Variants in PIK3C3 observed in about 807,000 individuals in gnomAD.
PIK3C3 encodes the protein phosphatidylinositol 3-kinase catalytic subunit type 3, also known as PI3-kinase type 3.
In PIK3C3, 95 loss-of-function variants were observed where a neutral mutation model predicts 126.1. The ratio of observed to expected loss-of-function variants is 0.75; its 90% CI spans 0.64 to 0.89. The LOEUF is 0.89. PIK3C3 is among the 40% of genes least tolerant of loss of function. PIK3C3 has a pLI of 0.00. For synonymous variants in PIK3C3, 374 were observed against 360.0 expected, an observed-to-expected ratio of 1.04 and a Z score of -0.44; for missense variants, 829 against 1,063.2, an observed-to-expected ratio of 0.78 and a Z score of 3.06.
At chr18:42,047,370 A>T (rs1424958295) in intron 20 of PIK3C3, among the ~76,000 whole-genome samples, 1 of 152,168 alleles carries the variant, frequency 6.6e-6, no homozygotes, top group Non-Finnish European at 1.5e-5. Flanking sequence ...ACCTAAGTGT[A>T]CTAAGTTCTC....
intron 24 of PIK3C3, among the ~76,000 whole-genome samples, chr18:42,068,747 G>A (rs528774997): frequency 2.6e-5 from 4 of 151,978 alleles, no homozygotes; most frequent in South Asian, 4.2e-4. Flanking sequence ...TCAGGAGATC[G>A]AGACCATCCT....
intron 4 of PIK3C3, among the ~76,000 whole-genome samples, chr18:41,986,522 G>A (rs752007467): frequency 2.6e-5 from 4 of 152,014 alleles, no homozygotes; most frequent in Non-Finnish European, 5.9e-5. Context: ...TTTTATTGAT[G>A]TGGGTTCAGA....
At chr18:42,003,961 C>T (rs16960213) in intron 9 of PIK3C3, among the ~76,000 whole-genome samples, 11,277 of 152,168 alleles carry the variant, frequency 0.074, 871 homozygotes, top group East Asian at 0.26. Flanking sequence ...TCCGGCCCTT[C>T]GCTCAGTGGT....
At chr18:42,058,127 G>T in intron 22 of PIK3C3, 76 bp downstream of exon 22, 4 of 1,248,524 alleles carry the variant, frequency 3.2e-6, no homozygotes, top group Non-Finnish European at 4.4e-6. Flanking sequence ...TTGTTTAAAT[G>T]TATGCATTCT....
At chr18:42,043,617 A>G (rs2144479020) in intron 19 of PIK3C3, 116 bp from the exon 20 acceptor site, 2 of 629,428 alleles carry the variant, frequency 3.2e-6, no homozygotes, top group Non-Finnish European at 5.7e-6. Context: ...CATCTCTCAT[A>G]CTGTATTTTG....
intron 15 of PIK3C3, among the ~76,000 whole-genome samples, chr18:42,030,070 T>G (rs1424581615): frequency 1.3e-5 from 2 of 152,192 alleles, no homozygotes; most frequent in African/African-American, 4.8e-5. Context: ...TAGTCCATAT[T>G]GTTATCCACA....
chr18:42,019,616 A>G (rs1000935666), intron 12 of PIK3C3, among the ~76,000 whole-genome samples: 5 of 151,944 alleles, frequency 3.3e-5, no homozygotes, highest in African/African-American at 1.2e-4. Flanking sequence ...TCTCTCCTTG[A>G]TATCTTAATG....
At chr18:42,061,267 A>G (rs1415510869) in intron 22 of PIK3C3, among the ~76,000 whole-genome samples, 2 of 152,070 alleles carry the variant, frequency 1.3e-5, no homozygotes, top group Non-Finnish European at 2.9e-5. Context: ...ATTATTTTTT[A>G]TCTTACCCTT....
chr18:41,996,435 C>G (rs1484586489), intron 8 of PIK3C3, among the ~76,000 whole-genome samples: 2 of 152,044 alleles, frequency 1.3e-5, no homozygotes, highest in Non-Finnish European at 2.9e-5. Context: ...ATGACTTTAT[C>G]TTCTTTTCTT....
intron 22 of PIK3C3, among the ~76,000 whole-genome samples, chr18:42,063,409 G>A (rs1421657536): frequency 2.0e-5 from 3 of 152,090 alleles, no homozygotes; most frequent in Non-Finnish European, 4.4e-5. Context: ...TACATGAGTA[G>A]GAATGGAATA....
At chr18:41,994,021 T>G (rs1431395090) in intron 7 of PIK3C3, among the ~76,000 whole-genome samples, 1 of 152,186 alleles carries the variant, frequency 6.6e-6, no homozygotes, top group African/African-American at 2.4e-5. Context: ...TCATTCCAAC[T>G]CTTTTTGTTC....
At chr18:41,982,803 T>C (rs543476810) in intron 4 of PIK3C3, among the ~76,000 whole-genome samples, 2 of 152,198 alleles carry the variant, frequency 1.3e-5, no homozygotes, top group Non-Finnish European at 2.9e-5. Context: ...ATTTTAAAAT[T>C]AGAATCATAC....
chr18:42,076,101 T>TATATATATATATATGCAC (rs1985970424), intron 24 of PIK3C3, among the ~76,000 whole-genome samples: 3 of 72,844 alleles, frequency 4.1e-5, no homozygotes, highest in African/African-American at 2.2e-4. Context: ...TATATATATA[T>TATATATATATATATGCAC]ATATATATAT....
chr18:42,029,534 ATTTTTTT>A (rs57593886), intron 15 of PIK3C3, 93 bp downstream of exon 15: 188 of 212,550 alleles, frequency 8.8e-4, no homozygotes, highest in African/African-American at 1.5e-3. Flanking sequence ...TGATACGTGA[ATTTTTTT>A]TTTTTTTTTT....
At chr18:41,968,190 A>C (rs889241937) in intron 3 of PIK3C3, among the ~76,000 whole-genome samples, 7 of 152,166 alleles carry the variant, frequency 4.6e-5, no homozygotes, top group Admixed American at 4.6e-4. Flanking sequence ...TTTTTGATTT[A>C]GTTCAGCCAG....
intron 4 of PIK3C3, among the ~76,000 whole-genome samples, chr18:41,980,666 A>C (rs1365586421): frequency 3.9e-5 from 6 of 152,102 alleles, no homozygotes; most frequent in South Asian, 4.1e-4. Flanking sequence ...TAAAAAAAAA[A>C]CAAAAAACAA....
intron 24 of PIK3C3, among the ~76,000 whole-genome samples, chr18:42,074,709 AC>A (rs1227885433): frequency 6.6e-6 from 1 of 152,056 alleles, no homozygotes; most frequent in Non-Finnish European, 1.5e-5. Flanking sequence ...ATTCATACTA[AC>A]TTTCCATTTT....
At chr18:42,002,945 T>A (rs949066520) in intron 9 of PIK3C3, among the ~76,000 whole-genome samples, 1 of 152,168 alleles carries the variant, frequency 6.6e-6, no homozygotes, top group African/African-American at 2.4e-5. Context: ...GGAATGGGAC[T>A]AACTAGGGAA....
intron 20 of PIK3C3, among the ~76,000 whole-genome samples, chr18:42,044,891 G>C (rs1025155140): frequency 6.6e-6 from 1 of 152,146 alleles, no homozygotes; most frequent in African/African-American, 2.4e-5. Context: ...GCTTAAGCTG[G>C]GAGAGCAAGA....
Sources: allele counts gnomAD v4.1 joint callset (sites outside exome capture counted in the v4.1 genomes callset), GRCh38; gene constraint gnomAD v4.1.1; transcripts MANE v1.5; gene names NCBI Gene and HGNC (gene_info 2026-07-23, HGNC 2026-07-21).